LYST: variants seen among roughly 807,000 people sequenced by gnomAD.
LYST encodes the protein lysosomal-trafficking regulator.
A neutral mutation model predicts 413.6 loss-of-function variants in LYST; 192 were observed. The ratio of observed to expected loss-of-function variants is 0.46; its 90% CI spans 0.41 to 0.52. The LOEUF (loss-of-function observed/expected upper bound fraction) is 0.52. LYST is among the 20% of genes least tolerant of loss of function. The probability of loss-of-function intolerance (pLI) is 0.00; values close to 1 mark genes in which losing one functional copy is unlikely to be tolerated. For missense variants in LYST, 3,815 were observed against 4,499.9 expected, an observed-to-expected ratio of 0.85 and a Z score of 4.35; for synonymous variants, 1,525 against 1,567.3, an observed-to-expected ratio of 0.97 and a Z score of 0.64.
chr1:235,801,761 T>A (rs1407622891), intron 8 of LYST, among the ~76,000 whole-genome samples: 1 of 152,068 alleles, frequency 6.6e-6, no homozygotes, highest in Non-Finnish European at 1.5e-5. Flanking sequence ...TATAAAAAAA[T>A]TAATAAACCA....
At chr1:235,817,753 G>A (rs1007656875) in intron 3 of LYST, among the ~76,000 whole-genome samples, 4 of 151,958 alleles carry the variant, frequency 2.6e-5, no homozygotes, top group Non-Finnish European at 4.4e-5. Flanking sequence ...AAAAACTATC[G>A]ATTGGGTACC....
Position 235,746,445 on chromosome 1 carries a change from C to T in LYST, c.7863G>A (p.Met2621Ile), listed in dbSNP as rs1374934061. ...RSVANDELHV[M>I]MQRRMSQENP... is the part of the protein sequence containing the mutation. ...TCTCTTGGCTCATTCTCCGTTGCATCATCACATGAAGCTCATCATTTGCCA... is the reference window on the plus strand; with the variant it reads ...TCTCTTGGCTCATTCTCCGTTGCATTATCACATGAAGCTCATCATTTGCCA... Residue 2621 changes from methionine to isoleucine, a missense_variant, in exon 29 of 53, where the codon ATG becomes ATA. By Grantham distance (10) the Met-to-Ile change is conservative. Transcript: ENST00000389793. 1 of 1,613,804 alleles carries T rather than the reference C, an allele frequency of 6.2e-7. No individual in the cohort carries two copies. The highest frequency in any genetic ancestry group is 8.5e-7 in the Non-Finnish European group (1 of 1,179,894).
intron 19 of LYST, among the ~76,000 whole-genome samples, chr1:235,770,709 A>T (rs1025145748): frequency 1.3e-5 from 2 of 152,192 alleles, no homozygotes; most frequent in Non-Finnish European, 2.9e-5. Context: ...TTAACCAAAA[A>T]ATTTTAGAGC....
At position 235,766,267 on chromosome 1, in the gene LYST, T is replaced by C; in HGVS notation, c.5933A>G (p.Glu1978Gly). ...LTCQVLQEYK[E>G]GQLTPMPREV... ...TCGGGGCATGGGTGTGAGTTGCCCC[T>C]CTTTGTATTCCTGAAAAAATAAAAA... The change falls in exon 21 of 53, where the codon GAG becomes GGG. Residue 1978 changes from glutamate (E) to glycine (G), a missense_variant. Physicochemically the swap from Glu to Gly is moderately conservative, Grantham distance 98. This residue lies in a region of LYST where 530 missense variants were observed against 696.5 expected (regional missense o/e 0.76). Transcript: ENST00000389793. The C allele has an allele frequency of 1.2e-6, 2 of 1,602,096 alleles. No individual in the cohort carries two copies. Among genetic ancestry groups the C allele is most frequent in the Middle Eastern group, 1.7e-4 (1 of 5,982 alleles).
rs902365794 is a variant in LYST, at chr1:235,724,048, A to G, written c.9295T>C (p.Leu3099=). Residue 3099 remains leucine (L), a synonymous_variant, in exon 39 of 53, where the codon TTG becomes CTG. Transcript: ENST00000389793. ...TTTACCTTGGTGTTATCAAATGCCA[A>G]CAGGAGTGTTCTGCCATTTGTTAGA... is the stretch of plus-strand genomic sequence containing the variant. ...IFLTNGRTLL[L]AFDNTKVRDD... is the part of the protein sequence containing the mutation. 6.2e-7 allele frequency: 1 copy of G among 1,613,850 alleles called. No individual in the cohort carries two copies. The highest frequency in any genetic ancestry group is 1.3e-5 in the African/African-American group (1 of 75,032).
intron 45 of LYST, among the ~76,000 whole-genome samples, chr1:235,702,457 C>T (rs974344479): frequency 6.6e-6 from 1 of 152,200 alleles, no homozygotes; most frequent in African/African-American, 2.4e-5. Context: ...TATTATGTCA[C>T]TGCCCTGCGA....
At chr1:235,876,872 G>A (rs1437379038) in intron 1 of LYST, among the ~76,000 whole-genome samples, 1 of 152,122 alleles carries the variant, frequency 6.6e-6, no homozygotes, top group Non-Finnish European at 1.5e-5. Flanking sequence ...CGAGTTATAC[G>A]GGTCCTGGTG....
chr1:235,805,740 T>G lies in LYST; in HGVS notation c.3393+3A>C. 6.2e-7 allele frequency: 1 copy of G among 1,609,006 alleles called. No homozygotes were observed. The highest frequency in any genetic ancestry group is 8.5e-7 in the Non-Finnish European group (1 of 1,175,922). ...AAGAGTTGGACTAAGGACAAGGTAT[T>G]ACCTGATTAGGTAACTCCAATTCCA... On this transcript the variant is annotated splice_donor_region_variant and intron_variant, in intron 6 of 52. Transcript: ENST00000389793.
chr1:235,839,316 G>T (rs1314760036), intron 1 of LYST, among the ~76,000 whole-genome samples: 3 of 151,274 alleles, frequency 2.0e-5, no homozygotes, highest in Non-Finnish European at 4.4e-5. Context: ...GAGTGCAGTG[G>T]CATGATCTCA....
chr1:235,865,508 A>G (rs1680411193), intron 1 of LYST, among the ~76,000 whole-genome samples: 1 of 152,214 alleles, frequency 6.6e-6, no homozygotes, highest in African/African-American at 2.4e-5. Context: ...TACTAAATAC[A>G]TATATATAAT....
chr1:235,784,973 C>T (rs888006362), intron 14 of LYST, among the ~76,000 whole-genome samples: 2 of 152,208 alleles, frequency 1.3e-5, no homozygotes, highest in African/African-American at 4.8e-5. Flanking sequence ...AAACTGAACT[C>T]TTAATTTTAC....
At chr1:235,736,763 A>G (rs1335052839) in intron 31 of LYST, 2 of 152,164 alleles carry the variant, frequency 1.3e-5, no homozygotes, top group East Asian at 3.8e-4. Flanking sequence ...ATACTTTGCT[A>G]TCTTTCTTTG....
At chr1:235,785,297 T>G (rs777640332) in intron 14 of LYST, among the ~76,000 whole-genome samples, 1 of 152,220 alleles carries the variant, frequency 6.6e-6, no homozygotes, top group African/African-American at 2.4e-5. Flanking sequence ...TCACAGTATT[T>G]TTCATCATTT....
At chr1:235,737,916 A>ATAACC in intron 31 of LYST, 41 of 1,163,402 alleles carry the variant, frequency 3.5e-5, no homozygotes, top group Admixed American at 3.1e-4. Flanking sequence ...GCTGCCGACG[A>ATAACC]GTCTGGATCT....
At chr1:235,802,831 G>A (rs1349555739) in intron 8 of LYST, 77 bp downstream of exon 8, 1 of 1,341,640 alleles carries the variant, frequency 7.5e-7, no homozygotes, top group African/African-American at 1.4e-5. Context: ...ATTCTAAAGT[G>A]GTATTATTAT....
At chr1:235,789,166 C>T (rs147215613) in intron 12 of LYST, among the ~76,000 whole-genome samples, 141 of 152,276 alleles carry the variant, frequency 9.3e-4, no homozygotes, top group African/African-American at 3.3e-3. Flanking sequence ...CTTCTTTTAT[C>T]AACTATGACT....
intron 38 of LYST, among the ~76,000 whole-genome samples, chr1:235,725,757 T>C (rs1278959516): frequency 2.0e-5 from 3 of 152,060 alleles, no homozygotes; most frequent in African/African-American, 7.2e-5. Context: ...ACATACCAAA[T>C]AGATACATTC....
chr1:235,690,103 T>C (rs1307590481), intron 47 of LYST, among the ~76,000 whole-genome samples: 1 of 152,256 alleles, frequency 6.6e-6, no homozygotes, highest in African/African-American at 2.4e-5. Context: ...TCTTTAACAT[T>C]GCGTTGAAAA....
intron 1 of LYST, among the ~76,000 whole-genome samples, chr1:235,865,344 T>A (rs1255828285): frequency 6.6e-6 from 1 of 152,110 alleles, no homozygotes; most frequent in Non-Finnish European, 1.5e-5. Context: ...TCTTCCGTGC[T>A]TTTTCTCTGT....
Sources: allele counts gnomAD v4.1 joint callset (sites outside exome capture counted in the v4.1 genomes callset), GRCh38; gene constraint gnomAD v4.1.1; regional missense constraint gnomAD v4.1.1; transcripts MANE v1.5; gene names NCBI Gene and HGNC (gene_info 2026-07-23, HGNC 2026-07-21).